Variants in RPH3A observed in about 807,000 individuals in gnomAD.
RPH3A encodes rabphilin 3A.
Under a neutral mutation model 102.2 loss-of-function variants are expected in RPH3A, and 48 were observed. The ratio of observed to expected loss-of-function variants is 0.47; its 90% CI spans 0.37 to 0.60. The LOEUF (loss-of-function observed/expected upper bound fraction) is 0.60. Among genes scored for constraint, RPH3A ranks in the 20% least tolerant of loss-of-function variants. The pLI, the probability that RPH3A is intolerant of heterozygous loss-of-function variation, is 0.00. For missense variants in RPH3A, 781 were observed against 910.1 expected (o/e 0.86, Z 1.83); for synonymous variants, 310 against 324.3 (o/e 0.96, Z 0.47).
At chr12:112,686,443 A>T (rs1040969114) in intron 1 of RPH3A, among the ~76,000 whole-genome samples, 1 of 152,324 alleles carries the variant, frequency 6.6e-6, no homozygotes. Context: ...CCAATGAGAC[A>T]TTACCAAATA....
At chr12:112,661,671 G>A (rs897614698) in intron 1 of RPH3A, among the ~76,000 whole-genome samples, 1 of 152,202 alleles carries the variant, frequency 6.6e-6, no homozygotes, top group Non-Finnish European at 1.5e-5. Context: ...AAATGAGTGA[G>A]AGGCTCTTGA....
intron 1 of RPH3A, among the ~76,000 whole-genome samples, chr12:112,685,532 T>C (rs189934382): frequency 1.3e-5 from 2 of 152,316 alleles, no homozygotes; most frequent in Admixed American, 6.5e-5. Flanking sequence ...ATCATACTTT[T>C]TCTGCACATG....
chr12:112,664,868 A>G (rs1000374388), intron 1 of RPH3A, among the ~76,000 whole-genome samples: 25 of 151,374 alleles, frequency 1.7e-4, no homozygotes, highest in African/African-American at 5.4e-4. Flanking sequence ...TCTCTTCTAT[A>G]TCACAGAAGG....
chr12:112,641,001 C>A (rs961705214), intron 1 of RPH3A, among the ~76,000 whole-genome samples: 1 of 152,118 alleles, frequency 6.6e-6, no homozygotes, highest in African/African-American at 2.4e-5. Context: ...CATTGAACAG[C>A]CAAATATTAA....
chr12:112,682,238 C>G (rs1000558020), intron 1 of RPH3A, among the ~76,000 whole-genome samples: 1 of 152,092 alleles, frequency 6.6e-6, no homozygotes, highest in Non-Finnish European at 1.5e-5. Context: ...CATGGAGAAC[C>G]AGGGAAGCCG....
At chr12:112,709,689 G>A (rs1256313899) in intron 1 of RPH3A, among the ~76,000 whole-genome samples, 1 of 152,156 alleles carries the variant, frequency 6.6e-6, no homozygotes, top group Admixed American at 6.5e-5. Flanking sequence ...TGGGGTCTGG[G>A]ACATCTGAAA....
At chr12:112,649,681 A>G (rs942864335) in intron 1 of RPH3A, among the ~76,000 whole-genome samples, 3 of 152,088 alleles carry the variant, frequency 2.0e-5, no homozygotes, top group Non-Finnish European at 4.4e-5. Flanking sequence ...TGTTTTATTC[A>G]CCATTTGTAT....
At chr12:112,600,679 C>A (rs2039551472) in intron 1 of RPH3A, among the ~76,000 whole-genome samples, 1 of 152,190 alleles carries the variant, frequency 6.6e-6, no homozygotes. Flanking sequence ...CGTCTTCCTT[C>A]TTTTTTTGAA....
At chr12:112,753,176 C>T (rs553132631) in intron 1 of RPH3A, among the ~76,000 whole-genome samples, 37 of 152,292 alleles carry the variant, frequency 2.4e-4, no homozygotes, top group African/African-American at 8.2e-4. Context: ...CACGATTCCA[C>T]TCCTGCTTTT....
chr12:112,730,450 A>G (rs2040624618), intron 1 of RPH3A, among the ~76,000 whole-genome samples: 1 of 152,200 alleles, frequency 6.6e-6, no homozygotes, highest in Admixed American at 6.5e-5. Flanking sequence ...TGAACCAGGT[A>G]GGGGTATGAT....
At chr12:112,758,264 C>T (rs969342225) in intron 1 of RPH3A, among the ~76,000 whole-genome samples, 4 of 152,246 alleles carry the variant, frequency 2.6e-5, no homozygotes, top group Non-Finnish European at 5.9e-5. Flanking sequence ...AACTGACCAG[C>T]TCCATCATCC....
At chr12:112,838,263 C>T (rs547021044) in intron 4 of RPH3A, among the ~76,000 whole-genome samples, 1 of 152,364 alleles carries the variant, frequency 6.6e-6, no homozygotes, top group Non-Finnish European at 1.5e-5. Context: ...CCAAGCCCAA[C>T]TGTGAGAGAG....
chr12:112,601,297 A>G (rs1430264859), intron 1 of RPH3A, among the ~76,000 whole-genome samples: 1 of 152,212 alleles, frequency 6.6e-6, no homozygotes, highest in Non-Finnish European at 1.5e-5. Flanking sequence ...TTTGGGGTAA[A>G]TAGGAAAAAT....
chr12:112,820,153 G>A (rs982536903), intron 2 of RPH3A, among the ~76,000 whole-genome samples: 1 of 152,196 alleles, frequency 6.6e-6, no homozygotes, highest in Non-Finnish European at 1.5e-5. Context: ...GAGCAATGCT[G>A]GTGGAGGAAA....
intron 1 of RPH3A, among the ~76,000 whole-genome samples, chr12:112,701,147 A>G (rs1459667057): frequency 1.3e-5 from 2 of 152,194 alleles, no homozygotes; most frequent in Non-Finnish European, 2.9e-5. Flanking sequence ...ATCTCTTTTA[A>G]AAATTGATTC....
intron 1 of RPH3A, among the ~76,000 whole-genome samples, chr12:112,612,559 CTTTTT>C (rs1007489149): frequency 9.1e-6 from 1 of 109,724 alleles, no homozygotes; most frequent in Non-Finnish European, 1.8e-5. Flanking sequence ...GGAGTTTTGC[CTTTTT>C]TTTTTTTTTT....
intron 1 of RPH3A, among the ~76,000 whole-genome samples, chr12:112,643,033 G>A (rs1350604958): frequency 2.6e-5 from 4 of 152,174 alleles, no homozygotes; most frequent in Non-Finnish European, 5.9e-5. Flanking sequence ...GGCCCAAAAT[G>A]TCAATAGCTC....
At chr12:112,765,318 T>C (rs7955208) in intron 1 of RPH3A, among the ~76,000 whole-genome samples, 36,298 of 151,342 alleles carry the variant, frequency 0.24, 5,131 homozygotes, top group African/African-American at 0.38. Context: ...ATTCCAGTTT[T>C]CCAGAAGAAA....
chr12:112,708,003 G>A (rs959214110), intron 1 of RPH3A, among the ~76,000 whole-genome samples: 27 of 152,328 alleles, frequency 1.8e-4, no homozygotes, highest in African/African-American at 5.8e-4. Flanking sequence ...CAAAGAGTAC[G>A]GGCTGAAGTC....
Sources: gnomAD v4.1 joint callset for allele counts (sites outside exome capture counted in the v4.1 genomes callset) on GRCh38, gnomAD v4.1.1 for gene constraint, MANE v1.5 for transcripts, NCBI Gene and HGNC (gene_info 2026-07-23, HGNC 2026-07-21) for gene names.